The following TCF7L2 variants were observed in gnomAD, a reference collection of about 807,000 sequenced individuals.
TCF7L2 encodes transcription factor 7 like 2.
Under a neutral mutation model 77.9 loss-of-function variants are expected in TCF7L2, and 23 were observed. The ratio of observed to expected loss-of-function variants is 0.30; its 90% CI spans 0.21 to 0.42. The LOEUF is 0.42. Ranked by LOEUF, TCF7L2 falls within the 10% of genes least tolerant of loss-of-function variation. TCF7L2 has a pLI of 1.00. For missense variants in TCF7L2, 654 were observed against 793.1 expected (o/e 0.82, Z 2.11); for synonymous variants, 413 against 340.2 (o/e 1.21, Z -2.36).
intron 3 of TCF7L2, among the ~76,000 whole-genome samples, chr10:112,957,041 G>T (rs2033805778): frequency 6.6e-6 from 1 of 152,068 alleles, no homozygotes; most frequent in African/African-American, 2.4e-5. Flanking sequence ...CATTTATAAA[G>T]AGCACTTTCA....
chr10:113,156,407 C>A (rs532150970), intron 11 of TCF7L2, among the ~76,000 whole-genome samples: 1 of 152,356 alleles, frequency 6.6e-6, no homozygotes, highest in South Asian at 2.1e-4. Flanking sequence ...AGCCACCGCA[C>A]CTGGACCTCA....
intron 3 of TCF7L2, among the ~76,000 whole-genome samples, chr10:112,964,267 C>T (rs1254293371): frequency 1.3e-5 from 2 of 152,080 alleles, no homozygotes; most frequent in East Asian, 1.9e-4. Context: ...AATGGGCATC[C>T]GTCTTTCCTT....
rs2030682279 is a variant in TCF7L2, at chr10:112,950,550, G to C, written c.-207G>C. The C allele has an allele frequency of 2.0e-6, 1 of 511,970 alleles. No individual in the cohort carries two copies. Among genetic ancestry groups the C allele is most frequent in the Non-Finnish European group, 3.4e-6 (1 of 295,302 alleles). 31.7% of individuals were successfully genotyped at this position (511,970 alleles called of 1,614,324 possible). The stretch of plus-strand genomic sequence containing the variant: ...AAAGAAACCCAAACTCACGCGTGCA[G>C]AAGATCTCCCCCCCCTTCCCCTCCC... On this transcript the variant is annotated 5_prime_UTR_variant, in exon 1 of 14. Coordinates refer to ENST00000627217, the MANE Select transcript of TCF7L2 (RefSeq NM_001146274.2).
At chr10:113,004,905 C>T (rs1259837513) in intron 4 of TCF7L2, among the ~76,000 whole-genome samples, 5 of 152,098 alleles carry the variant, frequency 3.3e-5, no homozygotes, top group Non-Finnish European at 7.4e-5. Context: ...AACTCCCGAC[C>T]TCAGGCAATC....
At chr10:113,073,129 T>TGTGTGTGTGTGTGAGAGAGAGA (rs56927661) in intron 5 of TCF7L2, among the ~76,000 whole-genome samples, 1 of 123,584 alleles carries the variant, frequency 8.1e-6, no homozygotes, top group Non-Finnish European at 1.7e-5. Flanking sequence ...TGTGTGTGTG[T>TGTGTGTGTGTGTGAGAGAGAGA]GAGAGAGAGA....
At chr10:113,118,928 A>G (rs1301167122) in intron 5 of TCF7L2, among the ~76,000 whole-genome samples, 1 of 152,070 alleles carries the variant, frequency 6.6e-6, no homozygotes, top group African/African-American at 2.4e-5. Context: ...TGCAATTGTA[A>G]TGAACGCATT....
At chr10:113,102,941 A>G (rs1278857883) in intron 5 of TCF7L2, among the ~76,000 whole-genome samples, 1 of 152,254 alleles carries the variant, frequency 6.6e-6, no homozygotes, top group Non-Finnish European at 1.5e-5. Flanking sequence ...TTATGTATAA[A>G]TAAGCTAGTC....
intron 4 of TCF7L2, among the ~76,000 whole-genome samples, chr10:112,990,638 C>T (rs1190386723): frequency 6.6e-6 from 1 of 151,862 alleles, no homozygotes; most frequent in Non-Finnish European, 1.5e-5. Flanking sequence ...CTCAGGAGGT[C>T]CAGGCTGCAG....
chr10:113,085,995 G>A (rs2059799941), intron 5 of TCF7L2, among the ~76,000 whole-genome samples: 1 of 152,192 alleles, frequency 6.6e-6, no homozygotes, highest in African/African-American at 2.4e-5. Context: ...GGGCCCTTGG[G>A]GCAATTCCAG....
chr10:113,139,080 G>T (rs985130882), intron 5 of TCF7L2, among the ~76,000 whole-genome samples: 3 of 152,270 alleles, frequency 2.0e-5, no homozygotes, highest in African/African-American at 7.2e-5. Flanking sequence ...TCTGGGCTAT[G>T]GGTGGTTCTC....
intron 4 of TCF7L2, among the ~76,000 whole-genome samples, chr10:112,966,726 G>C (rs936205840): frequency 6.6e-6 from 1 of 152,146 alleles, no homozygotes; most frequent in Non-Finnish European, 1.5e-5. Context: ...TTGTTAGGCC[G>C]AGCAGTTCGT....
At chr10:113,039,134 T>A (rs61872784) in intron 4 of TCF7L2, among the ~76,000 whole-genome samples, 36,568 of 151,954 alleles carry the variant, frequency 0.24, 4,727 homozygotes, top group Middle Eastern at 0.35. Flanking sequence ...TGCCTAAGAG[T>A]TTCTTATACA....
At chr10:113,065,232 A>C (rs1257109819) in intron 5 of TCF7L2, among the ~76,000 whole-genome samples, 1 of 152,254 alleles carries the variant, frequency 6.6e-6, no homozygotes, top group African/African-American at 2.4e-5. Flanking sequence ...CAGCAACCTC[A>C]TGAATAGGCA....
At chr10:113,083,374 T>C (rs539989158) in intron 5 of TCF7L2, among the ~76,000 whole-genome samples, 1 of 150,404 alleles carries the variant, frequency 6.6e-6, no homozygotes, top group East Asian at 2.0e-4. Flanking sequence ...AAAATAATAA[T>C]GAGAAAAAAG....
At chr10:112,955,170 G>A (rs969365961) in intron 3 of TCF7L2, among the ~76,000 whole-genome samples, 1 of 145,610 alleles carries the variant, frequency 6.9e-6, no homozygotes, top group Non-Finnish European at 1.5e-5. Context: ...ACATAACAAT[G>A]TAATATTACT....
intron 5 of TCF7L2, among the ~76,000 whole-genome samples, chr10:113,076,746 T>A (rs2058738055): frequency 6.6e-6 from 1 of 152,214 alleles, no homozygotes; most frequent in Non-Finnish European, 1.5e-5. Flanking sequence ...GCTGTCACTG[T>A]TCTTGAAAAC....
intron 4 of TCF7L2, among the ~76,000 whole-genome samples, chr10:112,969,129 G>T (rs576896966): frequency 1.3e-5 from 2 of 152,124 alleles, no homozygotes; most frequent in South Asian, 4.1e-4. Context: ...CCTTTTTCCA[G>T]TTATTTGGCT....
chr10:113,140,242 GGA>G (rs2068105235), intron 5 of TCF7L2, among the ~76,000 whole-genome samples: 1 of 152,084 alleles, frequency 6.6e-6, no homozygotes. Context: ...AGTGGAGTGG[GGA>G]GGGGTGGACT....
chr10:113,024,559 A>G (rs2048791657), intron 4 of TCF7L2, among the ~76,000 whole-genome samples: 1 of 151,056 alleles, frequency 6.6e-6, no homozygotes, highest in Non-Finnish European at 1.5e-5. Flanking sequence ...ATAATGAGAT[A>G]TCCTGGGGAT....
Sources: allele counts gnomAD v4.1 joint callset (sites outside exome capture counted in the v4.1 genomes callset), GRCh38; gene constraint gnomAD v4.1.1; transcripts MANE v1.5; gene names NCBI Gene and HGNC (gene_info 2026-07-23, HGNC 2026-07-21).